The following DMRT1 variants were observed in gnomAD, a reference collection of about 807,000 sequenced individuals.
The protein encoded by DMRT1 is doublesex- and mab-3-related transcription factor 1.
A neutral mutation model predicts 32.3 loss-of-function variants in DMRT1; 7 were observed. The ratio of observed to expected loss-of-function variants is 0.22; its 90% CI spans 0.12 to 0.41. DMRT1 has a LOEUF of 0.41. DMRT1 is among the 10% of genes least tolerant of loss of function. The pLI is 1.00. For synonymous variants in DMRT1, 278 were observed against 206.1 expected, an observed-to-expected ratio of 1.35 and a Z score of -2.99; for missense variants, 625 against 500.5, an observed-to-expected ratio of 1.25 and a Z score of -2.37.
chr9:891,957 C>T (rs946491865), intron 2 of DMRT1, among the ~76,000 whole-genome samples: 2 of 152,190 alleles, frequency 1.3e-5, no homozygotes, highest in Non-Finnish European at 2.9e-5. Flanking sequence ...AGTGGTGTGC[C>T]CGGAGGCTGG....
chr9:934,799 G>C (rs559296172), intron 4 of DMRT1, among the ~76,000 whole-genome samples: 1 of 152,162 alleles, frequency 6.6e-6, no homozygotes, highest in East Asian at 1.9e-4. Flanking sequence ...TGGCAAAAGA[G>C]GAAAGTTTTG....
chr9:932,580 T>A (rs1282165681), intron 4 of DMRT1, among the ~76,000 whole-genome samples: 1 of 152,146 alleles, frequency 6.6e-6, no homozygotes, highest in Non-Finnish European at 1.5e-5. Flanking sequence ...ACAAACTGGG[T>A]GTCCTACAAT....
intron 2 of DMRT1, among the ~76,000 whole-genome samples, chr9:869,376 C>T (rs568197484): frequency 1.3e-3 from 196 of 152,312 alleles, no homozygotes; most frequent in African/African-American, 4.6e-3. Context: ...TCATCTGCAC[C>T]TTTCCATTTG....
intron 2 of DMRT1, among the ~76,000 whole-genome samples, chr9:848,519 C>T (rs1388715571): frequency 6.7e-5 from 10 of 149,664 alleles, no homozygotes. Flanking sequence ...CATAGTATGT[C>T]CTTATAATAG....
At chr9:845,200 A>G (rs956860511) in intron 1 of DMRT1, among the ~76,000 whole-genome samples, 34 of 151,776 alleles carry the variant, frequency 2.2e-4, no homozygotes, top group African/African-American at 7.5e-4. Flanking sequence ...TGTTTTTTCA[A>G]TCTTATTATT....
chr9:876,662 G>C (rs1031336319), intron 2 of DMRT1, among the ~76,000 whole-genome samples: 4 of 151,998 alleles, frequency 2.6e-5, no homozygotes, highest in African/African-American at 4.8e-5. Context: ...CTCCTGAGTA[G>C]CTGGGTCTAT....
intron 4 of DMRT1, among the ~76,000 whole-genome samples, chr9:949,863 T>A (rs1819372790): frequency 6.6e-6 from 1 of 152,220 alleles, no homozygotes; most frequent in Non-Finnish European, 1.5e-5. Flanking sequence ...GTCCTCCAGG[T>A]TCATTCCGTT....
chr9:842,758 A>G (rs1011485324), intron 1 of DMRT1: 1 of 152,326 alleles, frequency 6.6e-6, no homozygotes, highest in Non-Finnish European at 1.5e-5. Flanking sequence ...ACGATCTCTC[A>G]CCCTGTGTTT....
At chr9:898,006 TATTAAA>T (rs1285860751) in intron 3 of DMRT1, among the ~76,000 whole-genome samples, 1 of 152,220 alleles carries the variant, frequency 6.6e-6, no homozygotes. Context: ...TATAAAGAAG[TATTAAA>T]ATTAAATAGT....
intron 4 of DMRT1, among the ~76,000 whole-genome samples, chr9:918,379 G>C (rs1262660841): frequency 1.3e-5 from 2 of 152,176 alleles, no homozygotes; most frequent in Non-Finnish European, 2.9e-5. Flanking sequence ...TTGAGACAAA[G>C]GTGTAAATTC....
At chr9:890,748 T>G (rs1374288866) in intron 2 of DMRT1, among the ~76,000 whole-genome samples, 1 of 152,166 alleles carries the variant, frequency 6.6e-6, no homozygotes, top group African/African-American at 2.4e-5. Flanking sequence ...AGAGTCTCAT[T>G]CTGTCACCCA....
At chr9:882,742 C>T (rs991158475) in intron 2 of DMRT1, among the ~76,000 whole-genome samples, 9 of 151,028 alleles carry the variant, frequency 6.0e-5, no homozygotes, top group Non-Finnish European at 1.3e-4. Flanking sequence ...CTCAGTGGCG[C>T]CCCCGTCTCC....
chr9:866,609 C>T (rs1042412501), intron 2 of DMRT1, among the ~76,000 whole-genome samples: 1 of 152,202 alleles, frequency 6.6e-6, no homozygotes, highest in African/African-American at 2.4e-5. Flanking sequence ...GAGAGAGTCT[C>T]AAGGACGTTA....
At chr9:888,078 C>G (rs1817000694) in intron 2 of DMRT1, among the ~76,000 whole-genome samples, 1 of 152,158 alleles carries the variant, frequency 6.6e-6, no homozygotes, top group Non-Finnish European at 1.5e-5. Context: ...TTGTATCTAA[C>G]TGAATGCCTG....
chr9:857,668 C>T (rs1798105067), intron 2 of DMRT1, among the ~76,000 whole-genome samples: 1 of 151,700 alleles, frequency 6.6e-6, no homozygotes, highest in African/African-American at 2.4e-5. Flanking sequence ...GGTACATGTG[C>T]ACAACGTGCA....
intron 4 of DMRT1, among the ~76,000 whole-genome samples, chr9:948,549 G>A (rs1195240478): frequency 3.9e-5 from 6 of 151,988 alleles, no homozygotes; most frequent in African/African-American, 9.7e-5. Flanking sequence ...CTGCTGGCCC[G>A]GGACAGACCA....
intron 4 of DMRT1, among the ~76,000 whole-genome samples, chr9:957,257 G>GGC (rs1420493920): frequency 1.3e-5 from 2 of 152,098 alleles, no homozygotes; most frequent in Admixed American, 6.6e-5. Context: ...GAGAGAAGAA[G>GGC]GCACAGTAAC....
intron 4 of DMRT1, among the ~76,000 whole-genome samples, chr9:918,919 A>G (rs964144125): frequency 6.6e-6 from 1 of 152,180 alleles, no homozygotes; most frequent in Non-Finnish European, 1.5e-5. Context: ...TTTGGAGGTC[A>G]GTAAGGACAC....
intron 2 of DMRT1, among the ~76,000 whole-genome samples, chr9:857,356 A>G (rs1815442427): frequency 6.6e-6 from 1 of 152,126 alleles, no homozygotes; most frequent in African/African-American, 2.4e-5. Flanking sequence ...GTATATATAT[A>G]TTCAGTCTTT....
Sources: gnomAD v4.1 joint callset for allele counts (sites outside exome capture counted in the v4.1 genomes callset) on GRCh38, gnomAD v4.1.1 for gene constraint, MANE v1.5 for transcripts, NCBI Gene and HGNC (gene_info 2026-07-23, HGNC 2026-07-21) for gene names.